Variants in RASA3 observed in about 807,000 individuals in gnomAD.
The protein encoded by RASA3 is ras GTPase-activating protein 3.
A neutral mutation model predicts 110.0 loss-of-function variants in RASA3; 73 were observed. The ratio of observed to expected loss-of-function variants is 0.66; its 90% CI spans 0.55 to 0.81. The LOEUF is 0.81. Ranked by LOEUF, RASA3 falls within the 30% of genes least tolerant of loss-of-function variation. RASA3 has a pLI of 0.00. For synonymous variants in RASA3, 500 were observed against 451.4 expected, an observed-to-expected ratio of 1.11 and a Z score of -1.37; for missense variants, 976 against 1,113.2, an observed-to-expected ratio of 0.88 and a Z score of 1.75.
At chr13:114,017,130 C>T in intron 12 of RASA3, 107 bp downstream of exon 12, 2 of 1,014,824 alleles carry the variant, frequency 2.0e-6, no homozygotes, top group Non-Finnish European at 3.1e-6. Flanking sequence ...GAGGGGCCGA[C>T]ATTCAAGCCC....
intron 7 of RASA3, among the ~76,000 whole-genome samples, chr13:114,024,938 G>T (rs770827779): frequency 6.6e-6 from 1 of 151,444 alleles, no homozygotes; most frequent in Non-Finnish European, 1.5e-5. Flanking sequence ...GAGTGAAGGC[G>T]TGAAGGGTCG....
rs1027223069 is a variant in RASA3 at position 114,065,232 on chromosome 13, G to A, written c.173+8488C>T. Reference sequence around the variant, plus strand: ...GAGTCACTTCCCAGCATCTGCGCAAGGCTGGCGCTGCCCCATCCCGCCTGC... The same window carrying A: ...GAGTCACTTCCCAGCATCTGCGCAAAGCTGGCGCTGCCCCATCCCGCCTGC... On this transcript the variant is annotated intron_variant, in intron 2 of 23. Transcript: ENST00000334062. The surrounding 1 kb of genome is among the most constrained non-coding windows in gnomAD (Gnocchi z 4.1). Among the ~76,000 whole-genome samples the A allele has an allele frequency of 6.6e-6, 1 of 152,232 alleles. No homozygotes were observed. Among genetic ancestry groups the A allele is most frequent in the Non-Finnish European group, 1.5e-5 (1 of 68,034 alleles).
chr13:114,074,159 C>G (rs973274531), intron 1 of RASA3, among the ~76,000 whole-genome samples: 3 of 152,222 alleles, frequency 2.0e-5, no homozygotes, highest in Non-Finnish European at 4.4e-5. Context: ...CTGACCTGCT[C>G]GCGTGCACAG....
chr13:114,114,065 A>G lies in RASA3; in HGVS notation c.55+18370T>C, dbSNP rs9525271. Among the ~76,000 whole-genome samples, 129 of 147,440 alleles carry G rather than the reference A, an allele frequency of 8.7e-4. No individual in the cohort carries two copies. Among genetic ancestry groups the G allele is most frequent in the East Asian group, 8.1e-3 (41 of 5,036 alleles). ...CGTATAGCTCACACCGCATCCATCA[A>G]TCCACCCACCACAGCAAGTGTCTGC... On this transcript the variant is annotated intron_variant, in intron 1 of 23. Coordinates refer to ENST00000334062, the MANE Select transcript of RASA3 (RefSeq NM_007368.4). The surrounding 1 kb of genome is among the most constrained non-coding windows in gnomAD (Gnocchi z 4.8).
At chr13:114,060,164 G>A (rs770369279) in intron 2 of RASA3, among the ~76,000 whole-genome samples, 1 of 152,232 alleles carries the variant, frequency 6.6e-6, no homozygotes, top group Admixed American at 6.5e-5. Context: ...TGGTAAAGAC[G>A]TAGGAGCAAG....
chr13:114,111,070 A>G (rs1594467646), intron 1 of RASA3, among the ~76,000 whole-genome samples: 1 of 85,792 alleles, frequency 1.2e-5, no homozygotes, highest in African/African-American at 4.3e-5. Flanking sequence ...CTGAGCCTCA[A>G]ACCAGCTGCA....
At chr13:114,030,567 C>CACA (rs2054143394) in intron 4 of RASA3, among the ~76,000 whole-genome samples, 1 of 151,056 alleles carries the variant, frequency 6.6e-6, no homozygotes, top group African/African-American at 2.5e-5. Context: ...GCAAGGCTCA[C>CACA]GGGGGCTTCT....
At chr13:114,028,008 A>C in intron 5 of RASA3, 81 bp from the exon 6 acceptor site, 1 of 1,220,410 alleles carries the variant, frequency 8.2e-7, no homozygotes, top group Non-Finnish European at 1.2e-6. Context: ...GTCAGGCAGG[A>C]GGCCTGAGTT....
chr13:114,070,054 T>C (rs2079542843), intron 2 of RASA3, among the ~76,000 whole-genome samples: 1 of 37,802 alleles, frequency 2.6e-5, no homozygotes, highest in Admixed American at 4.1e-4. Context: ...GGTGGGAGAC[T>C]TGGGGACTGG....
At chr13:113,995,247 C>T (rs1466912063) in intron 21 of RASA3, among the ~76,000 whole-genome samples, 2 of 152,258 alleles carry the variant, frequency 1.3e-5, no homozygotes, top group Admixed American at 6.5e-5. Flanking sequence ...CAATGCTTCC[C>T]GCTGTCCTGG....
intron 2 of RASA3, among the ~76,000 whole-genome samples, chr13:114,070,670 C>T (rs565017078): frequency 2.0e-4 from 30 of 149,834 alleles, no homozygotes; most frequent in African/African-American, 3.5e-4. Flanking sequence ...CAGTCTTACA[C>T]GTGGGCAGGG....
intron 4 of RASA3, among the ~76,000 whole-genome samples, chr13:114,032,840 CT>C (rs2054198097): frequency 8.7e-6 from 1 of 115,204 alleles, no homozygotes; most frequent in Non-Finnish European, 1.7e-5. Flanking sequence ...CACCCCCACA[CT>C]TGATACCACG....
rs1434112692 is a variant in RASA3, at chr13:114,052,064, C to T, written c.265G>A (p.Asp89Asn). 2 of 1,605,980 alleles carry T rather than the reference C, an allele frequency of 1.2e-6. No homozygotes were observed. The highest frequency in any genetic ancestry group is 1.3e-5 in the African/African-American group (1 of 74,734). The part of the protein sequence containing the change: ...YIFDRDVFRR[D>N]SIIGKVAIQK... Reference sequence around the variant, plus strand: ...ATTCATCACCTACCTATGATGGAATCCCTCCGGAAAACGTCTCTATCGAAA... The same window carrying T: ...ATTCATCACCTACCTATGATGGAATTCCTCCGGAAAACGTCTCTATCGAAA... Residue 89 changes from aspartate (D) to asparagine (N), a missense_variant, in exon 3 of 24, where the codon GAT (aspartate) becomes AAT (asparagine). Asp to Asn is a conservative substitution (Grantham distance 23, BLOSUM62 1). Coordinates refer to ENST00000334062, the MANE Select transcript of RASA3 (RefSeq NM_007368.4).
rs1406816805 is a variant in RASA3 at position 113,995,738 on chromosome 13, TGACGGGGGCCC to T, written c.2141+782_2141+792del. Among the ~76,000 whole-genome samples, 24 of 33,868 alleles carry T rather than the reference TGACGGGGGCCC, an allele frequency of 7.1e-4. 8 individuals are homozygous for T. The highest frequency in any genetic ancestry group is 1.4e-3 in the African/African-American group (6 of 4,432). The allele number at this position is 33,868 out of a possible 152,430, so 22.2% of individuals were successfully genotyped here. ...GGACCCAGCTGATGGGGGGCCCGGC[TGACGGGGGCCC>T]GGCTGACGGGGGCCCGGCTGACGGG... On this transcript the variant is annotated intron_variant, in intron 21 of 23. Coordinates refer to ENST00000334062, the MANE Select transcript of RASA3 (RefSeq NM_007368.4).
intron 1 of RASA3, among the ~76,000 whole-genome samples, chr13:114,103,380 AC>A (rs1236257393): frequency 1.3e-5 from 2 of 152,006 alleles, no homozygotes; most frequent in African/African-American, 4.8e-5. Context: ...CACAGAGAAC[AC>A]CAAGAGCCCC....
intron 2 of RASA3, among the ~76,000 whole-genome samples, chr13:114,059,125 T>C (rs1350698077): frequency 9.9e-5 from 15 of 152,202 alleles, no homozygotes; most frequent in Admixed American, 9.8e-4. Context: ...TGCAGTGAGC[T>C]GTGATCACAG....
Position 114,102,377 on chromosome 13 carries a change from AAGAGAGACGGAGAC to A in RASA3, c.56-28554_56-28541del, listed in dbSNP as rs1042969594. Among the ~76,000 whole-genome samples, 8 of 152,052 alleles carry A rather than the reference AAGAGAGACGGAGAC, an allele frequency of 5.3e-5. No individual in the cohort carries two copies. In the South Asian group the frequency reaches 1.5e-3, roughly 28 times the overall value. On this transcript the variant is annotated intron_variant, in intron 1 of 23. Coordinates refer to ENST00000334062, the MANE Select transcript of RASA3 (RefSeq NM_007368.4). ...TGGGGGAGAGCGAGAGTGAAGGAGG[AAGAGAGACGGAGAC>A]AGAGAGACGGTGAGAGGGAGAGGGA... is the stretch of plus-strand genomic sequence containing the variant.
intron 5 of RASA3, 50 bp from the exon 6 acceptor site, chr13:114,027,977 C>A: frequency 6.7e-7 from 1 of 1,494,724 alleles, no homozygotes; most frequent in Non-Finnish European, 9.3e-7. Context: ...GACACCTGGG[C>A]GAATGGCGAG....
chr13:114,032,259 C>T (rs2054183783), intron 4 of RASA3, among the ~76,000 whole-genome samples: 2 of 152,122 alleles, frequency 1.3e-5, no homozygotes. Flanking sequence ...CCTCAGGGGC[C>T]AGGAGGGGTC....
Sources: gnomAD v4.1 joint callset for allele counts (sites outside exome capture counted in the v4.1 genomes callset) on GRCh38, gnomAD v4.1.1 for gene constraint, Gnocchi (gnomAD v3.1) non-coding constraint, MANE v1.5 for transcripts, NCBI Gene and HGNC (gene_info 2026-07-23, HGNC 2026-07-21) for gene names.